GLYR1: variants seen among roughly 807,000 people sequenced by gnomAD.
GLYR1 encodes the protein glyoxylate reductase 1 homolog.
A neutral mutation model predicts 72.7 loss-of-function variants in GLYR1; 21 were observed. That is an observed-to-expected ratio of 0.29 (90% CI 0.20 to 0.42). The LOEUF (loss-of-function observed/expected upper bound fraction) is 0.42, where lower values mean the gene tolerates loss of function less well. GLYR1 is among the 10% of genes least tolerant of loss of function. GLYR1 has a pLI of 1.00. For synonymous variants in GLYR1, 392 were observed against 270.2 expected, an observed-to-expected ratio of 1.45 and a Z score of -4.42; for missense variants, 594 against 712.1, an observed-to-expected ratio of 0.83 and a Z score of 1.89.
At chr16:4,838,251 C>G (rs1249520837) in intron 3 of GLYR1, among the ~76,000 whole-genome samples, 1 of 152,006 alleles carries the variant, frequency 6.6e-6, no homozygotes, top group African/African-American at 2.4e-5. Flanking sequence ...ACATATTCTT[C>G]TAGAGCAGCT....
intron 3 of GLYR1, chr16:4,833,231 C>T (rs139577693): frequency 7.7e-4 from 157 of 203,568 alleles, no homozygotes; most frequent in African/African-American, 9.9e-4. Context: ...ACCACATATA[C>T]GCTGCCACTT....
At chr16:4,843,372 C>A in intron 3 of GLYR1, 1 of 758,124 alleles carries the variant, frequency 1.3e-6, no homozygotes, top group South Asian at 2.2e-5. Context: ...CCAGGATGGT[C>A]TCGAACTCAT....
At chr16:4,822,400 A>C (rs1230300821) in intron 7 of GLYR1, among the ~76,000 whole-genome samples, 2 of 149,884 alleles carry the variant, frequency 1.3e-5, no homozygotes, top group African/African-American at 5.0e-5. Flanking sequence ...GGGTTTATTT[A>C]TCTTTTTTGA....
chr16:4,823,014 T>G, intron 6 of GLYR1, 83 bp from the exon 7 acceptor site: 3 of 1,074,646 alleles, frequency 2.8e-6, no homozygotes, highest in Non-Finnish European at 4.4e-6. Context: ...GACTCTCCTC[T>G]GGCTGCAACA....
At chr16:4,834,232 T>C (rs1210869380) in intron 3 of GLYR1, among the ~76,000 whole-genome samples, 1 of 151,202 alleles carries the variant, frequency 6.6e-6, no homozygotes, top group African/African-American at 2.4e-5. Flanking sequence ...AGTGAGATGA[T>C]GAATGGAGAT....
At position 4,805,312 on chromosome 16, in the gene GLYR1, T is replaced by TG. The variant is rs769184547; in HGVS notation, c.1588-3dup. ...CAGCGCCTTGGCTCTTTTGTACACCTGGAAAAAAAAGAGATGGCTCAGTCT... is the reference window on the plus strand; with the variant it reads ...CAGCGCCTTGGCTCTTTTGTACACCTGGGAAAAAAAAGAGATGGCTCAGTCT... On this transcript the variant is annotated splice_polypyrimidine_tract_variant and splice_region_variant and intron_variant, in intron 15 of 15. Coordinates refer to ENST00000321919, the MANE Select transcript of GLYR1 (RefSeq NM_032569.4). The TG allele has an allele frequency of 1.2e-6, 2 of 1,612,928 alleles. No homozygotes were observed. The highest frequency in any genetic ancestry group is 8.5e-7 in the Non-Finnish European group (1 of 1,179,446).
chr16:4,823,820 C>A lies in GLYR1; in HGVS notation c.624+1G>T. 6.2e-7 allele frequency: 1 copy of A among 1,613,842 alleles called. No homozygotes were observed. The highest frequency in any genetic ancestry group is 8.5e-7 in the Non-Finnish European group (1 of 1,179,870). ...GTCCTGCCTGCAGGAGAGCTCCTTA[C>A]CTCGCTTGCGGTTGGCTGCCATTTA... On this transcript the variant is annotated splice_donor_variant, in intron 6 of 15. Transcript: ENST00000321919. LOFTEE classifies it high-confidence loss of function.
At chr16:4,829,568 C>A (rs2084652512) in intron 5 of GLYR1, among the ~76,000 whole-genome samples, 1 of 152,004 alleles carries the variant, frequency 6.6e-6, no homozygotes, top group African/African-American at 2.4e-5. Context: ...CTCACTGTAA[C>A]CTCCACCTCC....
intron 2 of GLYR1, among the ~76,000 whole-genome samples, chr16:4,845,739 A>T (rs2085973420): frequency 6.6e-6 from 1 of 152,254 alleles, no homozygotes; most frequent in Non-Finnish European, 1.5e-5. Context: ...CTGGAATGCC[A>T]ACTTCTGCAA....
chr16:4,832,079 C>G lies in GLYR1; in HGVS notation c.437G>C (p.Arg146Thr). Residue 146 changes from arginine to threonine, a missense_variant, in exon 5 of 16, where the codon AGG becomes ACG. Physicochemically the swap from Arg to Thr is moderately conservative, Grantham distance 71. Coordinates refer to ENST00000321919, the MANE Select transcript of GLYR1 (RefSeq NM_032569.4). ...TCTCTCTGAAGAGCCTGAAGACACC[C>G]TCTTCTTTCCTTCTCCCATGTTCTT... is the stretch of plus-strand genomic sequence containing the variant. ...VKKNMGEGKK[R>T]VSSGSSERGS... The G allele has an allele frequency of 6.2e-7, 1 of 1,614,224 alleles. No individual in the cohort carries two copies. Among genetic ancestry groups the G allele is most frequent in the Non-Finnish European group, 8.5e-7 (1 of 1,180,040 alleles).
intron 10 of GLYR1, among the ~76,000 whole-genome samples, chr16:4,815,445 G>C (rs1321582548): frequency 6.6e-6 from 1 of 152,178 alleles, no homozygotes; most frequent in Non-Finnish European, 1.5e-5. Flanking sequence ...TTCACTGAGA[G>C]ATATACTGTG....
chr16:4,843,379 T>G, intron 3 of GLYR1: 1 of 833,648 alleles, frequency 1.2e-6, no homozygotes, highest in Non-Finnish European at 1.6e-6. Flanking sequence ...GGTCTCGAAC[T>G]CATGACCTCC....
intron 3 of GLYR1, among the ~76,000 whole-genome samples, chr16:4,844,598 C>T (rs1038239219): frequency 6.6e-6 from 1 of 151,958 alleles, no homozygotes; most frequent in Non-Finnish European, 1.5e-5. Flanking sequence ...TGGTAAAACC[C>T]CCTCTACAAA....
intron 12 of GLYR1, among the ~76,000 whole-genome samples, chr16:4,813,471 C>A (rs574215074): frequency 6.6e-6 from 1 of 152,166 alleles, no homozygotes; most frequent in Non-Finnish European, 1.5e-5. Flanking sequence ...CAATGCCAGG[C>A]GGGCGGCCTG....
chr16:4,846,258 A>G (rs2086046512), intron 1 of GLYR1, 48 bp from the exon 2 acceptor site: 1 of 1,598,700 alleles, frequency 6.3e-7, no homozygotes, highest in African/African-American at 1.3e-5. Context: ...AAGCCAGTCC[A>G]TCTCCTTCAA....
chr16:4,841,889 G>A (rs2142046975), intron 3 of GLYR1, among the ~76,000 whole-genome samples: 1 of 152,286 alleles, frequency 6.6e-6, no homozygotes, highest in East Asian at 1.9e-4. Flanking sequence ...CCCACTGTCT[G>A]AAATGCCCCT....
intron 7 of GLYR1, among the ~76,000 whole-genome samples, chr16:4,822,357 G>A (rs1169548629): frequency 6.6e-6 from 1 of 152,032 alleles, no homozygotes; most frequent in South Asian, 2.1e-4. Context: ...AAAGTGCTGG[G>A]ATTATAGGCA....
intron 1 of GLYR1, 90 bp downstream of exon 1, chr16:4,847,138 A>G (rs1351916990): frequency 1.6e-6 from 2 of 1,259,742 alleles, no homozygotes; most frequent in Non-Finnish European, 2.2e-6. Flanking sequence ...TGGAGCGCAT[A>G]AAAAGGCAGC....
chr16:4,811,474 A>G, intron 14 of GLYR1, 149 bp downstream of exon 14: 1 of 1,247,390 alleles, frequency 8.0e-7, no homozygotes. Flanking sequence ...CTATATCCCC[A>G]AATCCCGCCC....
Sources: gnomAD v4.1 joint callset for allele counts (sites outside exome capture counted in the v4.1 genomes callset) on GRCh38, gnomAD v4.1.1 for gene constraint, MANE v1.5 for transcripts, NCBI Gene and HGNC (gene_info 2026-07-23, HGNC 2026-07-21) for gene names.